C16orf89: variants seen among roughly 807,000 people sequenced by gnomAD.
C16orf89 encodes the protein chromosome 16 open reading frame 89.
A neutral mutation model predicts 41.5 loss-of-function variants in C16orf89; 57 were observed. The observed-to-expected ratio is 1.38, with a 90% confidence interval of 1.11 to 1.71. C16orf89 has a LOEUF of 1.71. Among genes scored for constraint, C16orf89 ranks in the 40% most tolerant of loss-of-function variants. The probability of loss-of-function intolerance (pLI) is 0.00; values close to 1 mark genes in which losing one functional copy is unlikely to be tolerated. For synonymous variants in C16orf89, 223 were observed against 190.6 expected, an observed-to-expected ratio of 1.17 and a Z score of -1.40; for missense variants, 575 against 445.9, an observed-to-expected ratio of 1.29 and a Z score of -2.61.
intron 6 of C16orf89, among the ~76,000 whole-genome samples, chr16:5,049,446 T>A (rs1030754788): frequency 6.6e-6 from 1 of 152,228 alleles, no homozygotes; most frequent in East Asian, 1.9e-4. Context: ...ATAGACCATA[T>A]GTTAGGCCAA....
chr16:5,055,347 A>G lies in C16orf89; in HGVS notation c.767T>C (p.Met256Thr), dbSNP rs943414474. 27 of 1,608,112 alleles carry G rather than the reference A, an allele frequency of 1.7e-5. No homozygotes were observed. Among genetic ancestry groups the G allele is most frequent in the East Asian group, 9.0e-5 (4 of 44,608 alleles). Reference protein sequence around the residue: ...PTRDIFMENIMFCGMGGFSDF... With the variant: ...PTRDIFMENITFCGMGGFSDF... ...GGAGAAGCCGCCCATTCCACAGAAC[A>G]TGACTGGAAGTAAAGACGGGGGCCC... Residue 256 changes from methionine to threonine, a missense_variant, in exon 6 of 8, where the codon ATG becomes ACG. Met to Thr is a moderately conservative substitution (Grantham distance 81, BLOSUM62 -1). Transcript: ENST00000472572.
At position 5,056,047 on chromosome 16, in the gene C16orf89, C is replaced by A; in HGVS notation, c.763+6G>T. The A allele has an allele frequency of 6.3e-7, 1 of 1,586,932 alleles. No homozygotes were observed. ...CTTTGCCCCGGGGGCAGAATGCTGG[C>A]CATACTGTTTTCCATGAAGATGTCC... On this transcript the variant is annotated splice_donor_region_variant and intron_variant, in intron 5 of 7. Coordinates refer to ENST00000472572, the MANE Select transcript of C16orf89 (RefSeq NM_001098514.3).
At chr16:5,047,168 C>A (rs565020602) in intron 7 of C16orf89, among the ~76,000 whole-genome samples, 2 of 152,134 alleles carry the variant, frequency 1.3e-5, no homozygotes, top group Admixed American at 6.5e-5. Flanking sequence ...CTTGTTCAGC[C>A]CCTGCAGGCC....
At chr16:5,055,993 GT>G in intron 5 of C16orf89, 59 bp downstream of exon 5, 2 of 1,072,182 alleles carry the variant, frequency 1.9e-6, no homozygotes, top group Non-Finnish European at 2.7e-6. Flanking sequence ...GTGTGTGTGT[GT>G]GTGTGTTGGT....
intron 4 of C16orf89, among the ~76,000 whole-genome samples, chr16:5,058,285 G>A (rs1170490381): frequency 2.0e-5 from 3 of 151,852 alleles, no homozygotes; most frequent in Non-Finnish European, 4.4e-5. Flanking sequence ...ACGCCACCAC[G>A]TCCAGCTAAT....
At chr16:5,045,320 C>T (rs1214911296) in intron 7 of C16orf89, among the ~76,000 whole-genome samples, 2 of 152,230 alleles carry the variant, frequency 1.3e-5, no homozygotes, top group Non-Finnish European at 1.5e-5. Context: ...CTCTTAGTTG[C>T]CTCTGGTCTG....
rs572181324 is a variant in C16orf89 at position 5,057,385 on chromosome 16, GTA to G, written c.627+1106_627+1107del. 1.2e-3 allele frequency among the ~76,000 whole-genome samples: 173 copies of G among 143,710 alleles called. 1 individual carries two copies. The highest frequency in any genetic ancestry group is 3.9e-3 in the African/African-American group (155 of 39,314). The allele number at this position is 143,710 out of a possible 152,430, so 94.3% of individuals were successfully genotyped here. A position where few individuals can be genotyped will look rare whatever the true frequency, so the allele number is the denominator to read the frequency against. On this transcript the variant is annotated intron_variant, in intron 4 of 7. Transcript: ENST00000472572. The stretch of plus-strand genomic sequence containing the variant: ...TATATATCGTGATATATATATAGTG[GTA>G]TATATATAGTGGTATATATATAGTG...
At position 5,056,182 on chromosome 16, in the gene C16orf89, A is replaced by G. The variant is rs1195535917; in HGVS notation, c.634T>C (p.Cys212Arg). 6.3e-7 allele frequency: 1 copy of G among 1,588,396 alleles called. No individual in the cohort carries two copies. The highest frequency in any genetic ancestry group is 8.6e-7 in the Non-Finnish European group (1 of 1,158,600). ...CTCTGTTGGAGTGGTCCCTGTGTGC[A>G]CCCCCTCTGGGGAGACAAACACCCA... ...LFFLWARMRGCTQGPLQQSQD... is the reference protein window; with the variant it reads ...LFFLWARMRGRTQGPLQQSQD... Residue 212 changes from cysteine to arginine, a missense_variant, in exon 5 of 8, where the codon TGC becomes CGC. By Grantham distance (180) the Cys-to-Arg change is radical (BLOSUM62 -3). Coordinates refer to ENST00000472572, the MANE Select transcript of C16orf89 (RefSeq NM_001098514.3).
chr16:5,065,812 C>G lies in C16orf89; in HGVS notation c.97G>C (p.Ala33Pro), dbSNP rs1321306646. The change falls in exon 1 of 8, where the codon GCC (alanine) becomes CCC (proline). Residue 33 changes from alanine to proline, a missense_variant. By Grantham distance (27) the Ala-to-Pro change is conservative. Coordinates refer to ENST00000472572, the MANE Select transcript of C16orf89 (RefSeq NM_001098514.3). ...GACAGGATCAGGTCTGCAATGGTGG[C>G]TTTACTTTCAGCAGTGTCCAGCCCA... ...LPGLDTAESK[A>P]TIADLILSAL... 21 of 1,614,212 alleles carry G rather than the reference C, an allele frequency of 1.3e-5. No individual in the cohort carries two copies. Among genetic ancestry groups the G allele is most frequent in the Non-Finnish European group, 1.8e-5 (21 of 1,180,016 alleles).
rs1956496996 is a variant in C16orf89 at position 5,056,095 on chromosome 16, T to C, written c.721A>G (p.Ile241Val). ...TCCCGGGTAGGGTAGGCGTATCCGA[T>C]GGCCTCAGCTCTGCGGTTCAAGTCC... ...MMDLNRRAEA[I>V]GYAYPTRDIF... Residue 241 changes from isoleucine to valine, a missense_variant, in exon 5 of 8, where the codon ATC becomes GTC. By Grantham distance (29) the Ile-to-Val change is conservative. Transcript: ENST00000472572. 1 of 1,599,392 alleles carries C rather than the reference T, an allele frequency of 6.3e-7. No homozygotes were observed. The highest frequency in any genetic ancestry group is 1.3e-5 in the African/African-American group (1 of 74,650).
At chr16:5,062,698 A>C in intron 1 of C16orf89, 124 bp from the exon 2 acceptor site, 2 of 1,095,722 alleles carry the variant, frequency 1.8e-6, no homozygotes, top group Non-Finnish European at 1.3e-6. Context: ...CTTCTCCAGC[A>C]CTCAGAGGGG....
chr16:5,048,790 G>T (rs188956226), intron 6 of C16orf89, among the ~76,000 whole-genome samples: 8 of 150,994 alleles, frequency 5.3e-5, no homozygotes, highest in African/African-American at 1.9e-4. Context: ...AATAAGAAAG[G>T]AAGAAAAAAA....
intron 4 of C16orf89, among the ~76,000 whole-genome samples, chr16:5,056,743 G>T (rs1245127486): frequency 6.6e-6 from 1 of 152,212 alleles, no homozygotes; most frequent in Admixed American, 6.5e-5. Context: ...TCCACCTGCT[G>T]AATCTAATGA....
chr16:5,065,378 C>T (rs560127148), intron 1 of C16orf89, among the ~76,000 whole-genome samples: 19 of 152,262 alleles, frequency 1.2e-4, no homozygotes, highest in Admixed American at 2.0e-4. Flanking sequence ...TATCTGTTAA[C>T]GGGGCACTCT....
At chr16:5,055,616 C>G in intron 5 of C16orf89, 1 of 1,428,474 alleles carries the variant, frequency 7.0e-7, no homozygotes, top group Non-Finnish European at 9.4e-7. Context: ...ACACCCCAGC[C>G]AGCTAGCAGC....
chr16:5,044,664 A>G, intron 7 of C16orf89, 186 bp from the exon 8 acceptor site: 1 of 1,212,538 alleles, frequency 8.2e-7, no homozygotes, highest in Non-Finnish European at 1.1e-6. Context: ...CAACATGATG[A>G]AACCCTGTCT....
At chr16:5,047,032 C>A (rs141117483) in intron 7 of C16orf89, among the ~76,000 whole-genome samples, 67 of 152,288 alleles carry the variant, frequency 4.4e-4, no homozygotes, top group Admixed American at 4.1e-3. Context: ...TTCCAAACTC[C>A]AGCACACAGA....
rs71139679 is a variant in C16orf89 at position 5,061,511 on chromosome 16, CA to C, written c.358+913del. On this transcript the variant is annotated intron_variant, in intron 2 of 7. Transcript: ENST00000472572. ...AAAAAAAAAAAAAAAAAAACCCCCC[CA>C]AAAAAAAAAACAAGTGGGGAGGTGG... 6.7e-4 allele frequency among the ~76,000 whole-genome samples: 48 copies of C among 71,162 alleles called. 1 individual carries two copies. Among genetic ancestry groups the C allele is most frequent in the South Asian group, 1.3e-3 (2 of 1,590 alleles). 46.7% of individuals were successfully genotyped at this position (71,162 alleles called of 152,430 possible).
At chr16:5,056,481 G>A (rs896489768) in intron 4 of C16orf89, among the ~76,000 whole-genome samples, 2 of 152,158 alleles carry the variant, frequency 1.3e-5, no homozygotes, top group African/African-American at 2.4e-5. Context: ...CTCTAGAAAC[G>A]GCACCAGAGG....
Sources: allele counts gnomAD v4.1 joint callset (sites outside exome capture counted in the v4.1 genomes callset), GRCh38; gene constraint gnomAD v4.1.1; transcripts MANE v1.5; gene names NCBI Gene and HGNC (gene_info 2026-07-23, HGNC 2026-07-21).